Variants in PHGR1 observed in about 807,000 individuals in gnomAD.
PHGR1 encodes the protein proline, histidine and glycine-rich protein 1.
PHGR1 carries 3 observed loss-of-function variants against 4.9 expected under a neutral mutation model. The ratio of observed to expected loss-of-function variants is 0.61; its 90% CI spans 0.28 to 1.58. The LOEUF (loss-of-function observed/expected upper bound fraction) is 1.58, where lower values mean the gene tolerates loss of function less well. Among genes scored for constraint, PHGR1 ranks in the 40% most tolerant of loss-of-function variants. PHGR1 has a pLI of 0.11. For missense variants in PHGR1, 81 were observed against 118.7 expected (o/e 0.68, Z 1.48); for synonymous variants, 32 against 46.1 (o/e 0.69, Z 1.24).
At chr15:40,354,944 A>C (rs994020622) in intron 3 of PHGR1, among the ~76,000 whole-genome samples, 4 of 152,104 alleles carry the variant, frequency 2.6e-5, no homozygotes, top group Non-Finnish European at 5.9e-5. Flanking sequence ...GGGCTGCTCT[A>C]CCATGGTCAC....
At chr15:40,352,435 T>G (rs1889218161) in intron 1 of PHGR1, among the ~76,000 whole-genome samples, 1 of 152,282 alleles carries the variant, frequency 6.6e-6, no homozygotes, top group East Asian at 1.9e-4. Flanking sequence ...CTGGGCCCAT[T>G]CTGGGGTTGT....
At chr15:40,355,594 C>A in intron 3 of PHGR1, among the ~76,000 whole-genome samples, 1 of 152,094 alleles carries the variant, frequency 6.6e-6, no homozygotes, top group East Asian at 1.9e-4. Context: ...CTCCTCAGCT[C>A]TTTCATCTCC....
At position 40,356,137 on chromosome 15, in the gene PHGR1, G is replaced by A. The variant is rs1291105137; in HGVS notation, c.83G>A (p.Gly28Asp). The A allele has an allele frequency of 1.3e-6, 2 of 1,545,214 alleles. No homozygotes were observed. Among genetic ancestry groups the A allele is most frequent in the Non-Finnish European group, 1.7e-6 (2 of 1,144,314 alleles). ...PGHCGPPPGHGPGPCGPPPHH... is the reference protein window; with the variant it reads ...PGHCGPPPGHDPGPCGPPPHH... ...CACTGCGGGCCACCCCCTGGCCATG[G>A]CCCAGGGCCCTGCGGGCCACCCCCC... The change falls in exon 4 of 4, where the codon GGC becomes GAC. Residue 28 changes from glycine to aspartate, a missense_variant. Transcript: ENST00000448599.
rs1279672259 is a variant in PHGR1, at chr15:40,353,144, T to TGA, written c.-26-87_-26-86insAG. 30 of 899,746 alleles carry TGA rather than the reference T, an allele frequency of 3.3e-5. No homozygotes were observed. In the African/African-American group the frequency reaches 4.8e-4, roughly 14 times the overall value. The allele number at this position is 899,746 out of a possible 1,614,324, so 55.7% of individuals were successfully genotyped here. A position where few individuals can be genotyped will look rare whatever the true frequency, so the allele number is the denominator to read the frequency against. ...GTGTGTGTGTGTGTGTGTGTGTGTG[T>TGA]GTGCGCGCGCGCGCGCATCCGTGGG... On this transcript the variant is annotated intron_variant, in intron 1 of 3. Coordinates refer to ENST00000448599, the MANE Select transcript of PHGR1 (RefSeq NM_001145643.2).
At position 40,356,272 on chromosome 15, in the gene PHGR1, C is replaced by T. The variant is rs528206629; in HGVS notation, c.218C>T (p.Pro73Leu). The change falls in exon 4 of 4, where the codon CCA (proline) becomes CTA (leucine). Residue 73 changes from proline (P) to leucine (L), a missense_variant. Pro to Leu is a moderately conservative substitution (Grantham distance 98, BLOSUM62 -3). Coordinates refer to ENST00000448599, the MANE Select transcript of PHGR1 (RefSeq NM_001145643.2). ...GPCGPPPGHG[P>L]GHPPPGPHH is the part of the protein sequence containing the mutation. ...TGCGGGCCTCCCCCTGGCCATGGCCCAGGTCACCCACCCCCTGGTCCACAT... is the reference window on the plus strand; with the variant it reads ...TGCGGGCCTCCCCCTGGCCATGGCCTAGGTCACCCACCCCCTGGTCCACAT... 7.4e-5 allele frequency: 114 copies of T among 1,549,352 alleles called. 1 individual carries two copies. The Admixed American group carries it at 1.1e-3, about 14-fold the overall frequency.
chr15:40,353,127 G>A (rs1481138760), intron 1 of PHGR1, 105 bp from the exon 2 acceptor site: 1 of 847,352 alleles, frequency 1.2e-6, no homozygotes, highest in Non-Finnish European at 1.9e-6. Context: ...GTGTGTGTGT[G>A]TGTGTGTGTG....
At chr15:40,353,110 GGTGTGT>G (rs57886573) in intron 1 of PHGR1, 116 bp from the exon 2 acceptor site, 45,645 of 562,172 alleles carry the variant, frequency 0.081, 1,548 homozygotes, top group Middle Eastern at 0.14. Flanking sequence ...TCCTTTGAAG[GGTGTGT>G]GTGTGTGTGT....
At chr15:40,353,554 T>G in intron 2 of PHGR1, 1 of 421,804 alleles carries the variant, frequency 2.4e-6, no homozygotes, top group Non-Finnish European at 4.3e-6. Flanking sequence ...GGGGTTATGC[T>G]CAGGGAAAGG....
intron 3 of PHGR1, 88 bp downstream of exon 3, chr15:40,354,440 G>A: frequency 7.1e-7 from 1 of 1,410,622 alleles, no homozygotes; most frequent in Non-Finnish European, 9.6e-7. Context: ...CCCTCAGGGA[G>A]CAGCCACCAC....
intron 2 of PHGR1, chr15:40,353,812 C>T (rs1443160401): frequency 5.4e-6 from 1 of 183,764 alleles, no homozygotes; most frequent in Non-Finnish European, 1.1e-5. Flanking sequence ...CGCAGCTGCT[C>T]CAGGGAGATT....
chr15:40,354,400 G>A, intron 3 of PHGR1, 48 bp downstream of exon 3: 1 of 1,514,004 alleles, frequency 6.6e-7, no homozygotes, highest in Non-Finnish European at 8.9e-7. Flanking sequence ...CCACTGTCAT[G>A]TCCTCCAGAC....
At chr15:40,355,487 C>G (rs191842668) in intron 3 of PHGR1, among the ~76,000 whole-genome samples, 1 of 152,200 alleles carries the variant, frequency 6.6e-6, no homozygotes, top group Non-Finnish European at 1.5e-5. Flanking sequence ...ACCGTCTACA[C>G]ACATACACAC....
chr15:40,355,197 T>G (rs1034339541), intron 3 of PHGR1, among the ~76,000 whole-genome samples: 2 of 151,826 alleles, frequency 1.3e-5, no homozygotes, highest in Non-Finnish European at 2.9e-5. Context: ...AAAACTCCCC[T>G]GGCCTTGGGA....
chr15:40,354,364 C>A lies in PHGR1; in HGVS notation c.18+12C>A. The A allele has an allele frequency of 6.5e-7, 1 of 1,535,172 alleles. No individual in the cohort carries two copies. The highest frequency in any genetic ancestry group is 2.0e-5 in the Admixed American group (1 of 50,960). ...CCACAGGTCCGAAGGTAGGAAAGTT[C>A]CCCCAATGGTCTCCCCTTTTTCCTC... is the stretch of plus-strand genomic sequence containing the variant. On this transcript the variant is annotated intron_variant, in intron 3 of 3. Transcript: ENST00000448599.
At chr15:40,353,110 GGTGTGTGT>G (rs57886573) in intron 1 of PHGR1, 114 bp from the exon 2 acceptor site, 74,582 of 563,400 alleles carry the variant, frequency 0.13, 5,772 homozygotes, top group East Asian at 0.49. Flanking sequence ...TCCTTTGAAG[GGTGTGTGT>G]GTGTGTGTGT....
rs2141256044 is a variant in PHGR1 at position 40,356,275 on chromosome 15, G to A, written c.221G>A (p.Gly74Asp). 1.3e-6 allele frequency: 2 copies of A among 1,549,578 alleles called. No individual in the cohort carries two copies. Among genetic ancestry groups the A allele is most frequent in the Non-Finnish European group, 1.7e-6 (2 of 1,146,566 alleles). Residue 74 changes from glycine (G) to aspartate (D), a missense_variant, in exon 4 of 4, where the codon GGT becomes GAT. Gly to Asp is a moderately conservative substitution (Grantham distance 94). Transcript: ENST00000448599. The stretch of plus-strand genomic sequence containing the variant: ...GGGCCTCCCCCTGGCCATGGCCCAG[G>A]TCACCCACCCCCTGGTCCACATCAC... ...PCGPPPGHGPGHPPPGPHH is the reference protein window; with the variant it reads ...PCGPPPGHGPDHPPPGPHH
intron 3 of PHGR1, 137 bp from the exon 4 acceptor site, chr15:40,355,936 C>A: frequency 1.1e-6 from 1 of 879,972 alleles, no homozygotes; most frequent in Non-Finnish European, 1.8e-6. Flanking sequence ...GCTACCCATG[C>A]CCCCAGCCCT....
In PHGR1 at chr15:40,356,414, G is replaced by A. The variant is rs1391262651; in HGVS notation, c.*111G>A. 12 of 1,495,174 alleles carry A rather than the reference G, an allele frequency of 8.0e-6. No individual in the cohort carries two copies. Among genetic ancestry groups the A allele is most frequent in the Non-Finnish European group, 1.1e-5 (12 of 1,098,122 alleles). 92.6% of individuals were successfully genotyped at this position (1,495,174 alleles called of 1,614,324 possible). ...TCTTCCTAATAAACAGCCTCCTAGA[G>A]GCCACATTCTATTCTTTAAAGAGCC... On this transcript the variant is annotated 3_prime_UTR_variant, in exon 4 of 4. Transcript: ENST00000448599.
intron 3 of PHGR1, among the ~76,000 whole-genome samples, chr15:40,355,057 A>G (rs914837685): frequency 1.3e-5 from 2 of 152,086 alleles, no homozygotes; most frequent in Non-Finnish European, 2.9e-5. Flanking sequence ...CAGCCCAGAC[A>G]GTGGGAGCAT....
Sources: gnomAD v4.1 joint callset for allele counts (sites outside exome capture counted in the v4.1 genomes callset) on GRCh38, gnomAD v4.1.1 for gene constraint, MANE v1.5 for transcripts, NCBI Gene and HGNC (gene_info 2026-07-23, HGNC 2026-07-21) for gene names.